EPDR1: variants seen among roughly 807,000 people sequenced by gnomAD.
EPDR1 encodes mammalian ependymin-related protein 1.
In EPDR1, 27 loss-of-function variants were observed where a neutral mutation model predicts 23.7. That is an observed-to-expected ratio of 1.14 (90% CI 0.84 to 1.57). The LOEUF (loss-of-function observed/expected upper bound fraction) is 1.57, where lower values mean the gene tolerates loss of function less well. EPDR1 is among the 40% of genes most tolerant of loss of function. The pLI, the probability that EPDR1 is intolerant of heterozygous loss-of-function variation, is 0.00. For missense variants in EPDR1, 349 were observed against 290.4 expected (o/e 1.20, Z -1.47); for synonymous variants, 137 against 118.2 (o/e 1.16, Z -1.03).
chr7:37,933,843 A>G (rs1785992085), intron 1 of EPDR1, among the ~76,000 whole-genome samples: 1 of 152,220 alleles, frequency 6.6e-6, no homozygotes, highest in Non-Finnish European at 1.5e-5. Context: ...GTGTCAGAAA[A>G]TCTGACTAGC....
intron 1 of EPDR1, among the ~76,000 whole-genome samples, chr7:37,937,638 G>T (rs1461145785): frequency 6.6e-6 from 1 of 152,044 alleles, no homozygotes; most frequent in Non-Finnish European, 1.5e-5. Flanking sequence ...TCTTTGAAAG[G>T]TTAGTGACTG....
At chr7:37,936,525 G>C (rs1786056694) in intron 1 of EPDR1, among the ~76,000 whole-genome samples, 1 of 152,008 alleles carries the variant, frequency 6.6e-6, no homozygotes, top group African/African-American at 2.4e-5. Context: ...AGAAGAAATT[G>C]AAAACCATCT....
chr7:37,933,824 C>T (rs936461445), intron 1 of EPDR1, among the ~76,000 whole-genome samples: 1 of 152,062 alleles, frequency 6.6e-6, no homozygotes, highest in African/African-American at 2.4e-5. Context: ...AGGATATTTA[C>T]AGCTATAAGT....
At chr7:37,923,686 A>C (rs573053601) in intron 1 of EPDR1, among the ~76,000 whole-genome samples, 55 of 152,074 alleles carry the variant, frequency 3.6e-4, no homozygotes, top group Non-Finnish European at 6.6e-4. Flanking sequence ...TTTTTTTACA[A>C]TTAAAAAAAT....
intron 1 of EPDR1, among the ~76,000 whole-genome samples, chr7:37,942,568 G>T (rs1419002353): frequency 6.6e-6 from 1 of 151,766 alleles, no homozygotes; most frequent in East Asian, 1.9e-4. Context: ...GGCTAAGATG[G>T]TACATTTTTG....
chr7:37,938,802 G>A (rs1347327198), intron 1 of EPDR1, among the ~76,000 whole-genome samples: 2 of 152,076 alleles, frequency 1.3e-5, no homozygotes, highest in African/African-American at 4.8e-5. Context: ...CAGCTGATTG[G>A]GCCGCCACAA....
Position 37,944,511 on chromosome 7 carries a change from G to C in EPDR1, c.270-4329G>C. 1.3e-5 allele frequency among the ~76,000 whole-genome samples: 2 copies of C among 152,134 alleles called. 1 individual carries two copies. Among genetic ancestry groups the C allele is most frequent in the East Asian group, 3.9e-4 (2 of 5,190 alleles). On this transcript the variant is annotated intron_variant, in intron 1 of 2. Transcript: ENST00000199448. Reference sequence around the variant, plus strand: ...GCTAATAAAGACATACCTGAGACTGGGTAATTTATAAAGGAAAGAGGCTTA... The same window carrying C: ...GCTAATAAAGACATACCTGAGACTGCGTAATTTATAAAGGAAAGAGGCTTA...
intron 1 of EPDR1, among the ~76,000 whole-genome samples, chr7:37,924,224 C>A (rs1785771868): frequency 6.6e-6 from 1 of 152,224 alleles, no homozygotes. Context: ...GGAGCAAATT[C>A]ATTGAGCAAA....
At chr7:37,922,001 A>G (rs370035862) in intron 1 of EPDR1, among the ~76,000 whole-genome samples, 5 of 152,282 alleles carry the variant, frequency 3.3e-5, no homozygotes, top group South Asian at 4.1e-4. Context: ...GTGACAAAGG[A>G]AACCCTCTTT....
chr7:37,931,857 C>A (rs1463357827), intron 1 of EPDR1, among the ~76,000 whole-genome samples: 1 of 152,046 alleles, frequency 6.6e-6, no homozygotes, highest in Non-Finnish European at 1.5e-5. Context: ...CACCACTGCA[C>A]CCGCCTAATT....
Position 37,921,037 on chromosome 7 carries a change from T to C in EPDR1, c.98T>C (p.Leu33Pro), listed in dbSNP as rs1388208234. Residue 33 changes from leucine to proline, a missense_variant, in exon 1 of 3, where the codon CTG (leucine) becomes CCG (proline). Physicochemically the swap from Leu to Pro is moderately conservative, Grantham distance 98. Transcript: ENST00000199448. Reference protein sequence around the residue: ...WAWTLCGLCSLGAVGAPRPCQ... With the variant: ...WAWTLCGLCSPGAVGAPRPCQ... Reference sequence around the variant, plus strand: ...TGGACCCTGTGCGGCCTGTGCAGCCTGGGGGCGGTGGGAGCCCCGCGCCCG... The same window carrying C: ...TGGACCCTGTGCGGCCTGTGCAGCCCGGGGGCGGTGGGAGCCCCGCGCCCG... The C allele has an allele frequency of 6.5e-7, 1 of 1,531,518 alleles. No homozygotes were observed. 94.9% of individuals were successfully genotyped at this position (1,531,518 alleles called of 1,614,324 possible). A position where few individuals can be genotyped will look rare whatever the true frequency, so the allele number is the denominator to read the frequency against.
intron 1 of EPDR1, among the ~76,000 whole-genome samples, chr7:37,943,580 C>A (rs1471148235): frequency 6.6e-6 from 1 of 152,180 alleles, no homozygotes; most frequent in East Asian, 1.9e-4. Context: ...GCATTTATAT[C>A]CACATGGGAT....
chr7:37,923,101 A>C (rs1785742956), intron 1 of EPDR1, among the ~76,000 whole-genome samples: 2 of 152,236 alleles, frequency 1.3e-5, no homozygotes, highest in African/African-American at 4.8e-5. Context: ...GCGAAGGGTC[A>C]TACTGAGGAG....
intron 1 of EPDR1, among the ~76,000 whole-genome samples, chr7:37,931,586 T>C (rs1785941659): frequency 1.3e-5 from 2 of 152,052 alleles, no homozygotes; most frequent in South Asian, 4.1e-4. Context: ...GTTTCAATAA[T>C]TTTTTTTCTG....
intron 1 of EPDR1, among the ~76,000 whole-genome samples, chr7:37,947,582 C>G (rs942769927): frequency 2.6e-5 from 4 of 152,134 alleles, no homozygotes; most frequent in African/African-American, 9.7e-5. Flanking sequence ...TCTCATAAGC[C>G]ACAGATAATT....
chr7:37,925,591 T>C lies in EPDR1; in HGVS notation c.269+4383T>C, dbSNP rs113969203. On this transcript the variant is annotated intron_variant, in intron 1 of 2. Coordinates refer to ENST00000199448, the MANE Select transcript of EPDR1 (RefSeq NM_017549.5). ...TTTTAAACAGAGAATCAGCCTCCTG[T>C]AGTGGAGAGAGCAGGGGCATTCATG... is the stretch of plus-strand genomic sequence containing the variant. Among the ~76,000 whole-genome samples the C allele has an allele frequency of 6.1e-3, 931 of 152,326 alleles. 13 individuals are homozygous for C. Among genetic ancestry groups the C allele is most frequent in the African/African-American group, 0.021 (874 of 41,572 alleles).
At chr7:37,943,209 C>G (rs1786204826) in intron 1 of EPDR1, among the ~76,000 whole-genome samples, 1 of 152,230 alleles carries the variant, frequency 6.6e-6, no homozygotes, top group Non-Finnish European at 1.5e-5. Flanking sequence ...TCCTGAACAC[C>G]AATTCCAGCA....
chr7:37,926,895 G>T, intron 1 of EPDR1: 3 of 261,624 alleles, frequency 1.1e-5, no homozygotes, highest in South Asian at 4.1e-5. Context: ...GTATCAGTGT[G>T]GACTCAAGCC....
chr7:37,921,409 C>T (rs1785699945), intron 1 of EPDR1: 1 of 1,391,628 alleles, frequency 7.2e-7, no homozygotes, highest in East Asian at 3.0e-5. Flanking sequence ...CGAGGGCGGC[C>T]TGCTGGCGGG....
Sources: allele counts gnomAD v4.1 joint callset (sites outside exome capture counted in the v4.1 genomes callset), GRCh38; gene constraint gnomAD v4.1.1; transcripts MANE v1.5; gene names NCBI Gene and HGNC (gene_info 2026-07-23, HGNC 2026-07-21).